The following FBXW10B variants were observed in gnomAD, a reference collection of about 807,000 sequenced individuals.
FBXW10B encodes F-box and WD repeat domain containing 10B, also known as F-box and WD repeat domain containing protein 10B.
At chr17:15,567,209 T>C in the FBXW10B span, among the ~76,000 whole-genome samples, 1 of 151,146 alleles carries the variant, frequency 6.6e-6, no homozygotes, top group African/African-American at 2.4e-5. Flanking sequence ...GAGGCAGAGG[T>C]TGCAGTGAGC....
At chr17:15,609,929 C>T in the FBXW10B span, among the ~76,000 whole-genome samples, 1 of 138,942 alleles carries the variant, frequency 7.2e-6, no homozygotes, top group South Asian at 2.3e-4. Context: ...GGCGTGATCT[C>T]GGCTCACTAC....
At chr17:15,569,463 T>TTA in the FBXW10B span, among the ~76,000 whole-genome samples, 4 of 131,200 alleles carry the variant, frequency 3.0e-5, no homozygotes, top group Non-Finnish European at 4.9e-5. Flanking sequence ...TTCTTTTTTT[T>TTA]TTTTTTTTTT....
the FBXW10B span, chr17:15,571,713 A>C: frequency 6.6e-6 from 1 of 152,372 alleles, no homozygotes. Flanking sequence ...TATTAGCTTA[A>C]ATATCACTAA....
the FBXW10B span, chr17:15,619,467 A>G: frequency 6.2e-7 from 1 of 1,613,776 alleles, no homozygotes; most frequent in Non-Finnish European, 8.5e-7. Context: ...CCCTTCTCAC[A>G]ACGAAAATAG....
At chr17:15,611,264 C>T in the FBXW10B span, among the ~76,000 whole-genome samples, 9 of 152,238 alleles carry the variant, frequency 5.9e-5, no homozygotes, top group South Asian at 2.1e-4. Flanking sequence ...CCTCGTGATC[C>T]GCCCGCCTCG....
chr17:15,572,518 T>G, the FBXW10B span: 1 of 152,254 alleles, frequency 6.6e-6, no homozygotes, highest in African/African-American at 2.4e-5. Flanking sequence ...ACCTGATCCC[T>G]GCCTTCATTC....
the FBXW10B span, chr17:15,566,252 G>A: frequency 4.3e-6 from 7 of 1,610,404 alleles, no homozygotes; most frequent in Non-Finnish European, 5.1e-6. Context: ...AGGAGGAATT[G>A]GTCAGGTGAC....
chr17:15,590,485 T>C, the FBXW10B span, among the ~76,000 whole-genome samples: 1 of 146,810 alleles, frequency 6.8e-6, no homozygotes, highest in African/African-American at 2.6e-5. Context: ...AGGGAGGGTT[T>C]AAAGCCTGGG....
the FBXW10B span, among the ~76,000 whole-genome samples, chr17:15,601,226 G>A: frequency 0.41 from 59,984 of 144,792 alleles, 15,702 homozygotes; most frequent in Non-Finnish European, 0.58. Flanking sequence ...TGGCTAACAC[G>A]GTGAAACCCC....
chr17:15,617,178 T>C, the FBXW10B span, among the ~76,000 whole-genome samples: 1 of 152,222 alleles, frequency 6.6e-6, no homozygotes, highest in Admixed American at 6.5e-5. Flanking sequence ...TTCTATATTA[T>C]CATTCTTCCA....
the FBXW10B span, among the ~76,000 whole-genome samples, chr17:15,575,003 T>G: frequency 2.1e-5 from 3 of 144,402 alleles, no homozygotes; most frequent in Non-Finnish European, 4.5e-5. Context: ...CTTGAACACC[T>G]TCCACTTAAC....
chr17:15,598,413 A>C, the FBXW10B span: 46 of 1,498,122 alleles, frequency 3.1e-5, 1 homozygote, highest in South Asian at 5.9e-4. Flanking sequence ...GGGTGGATGG[A>C]TGGATGGATG....
the FBXW10B span, among the ~76,000 whole-genome samples, chr17:15,579,026 A>C: frequency 1.3e-5 from 2 of 151,990 alleles, no homozygotes; most frequent in South Asian, 4.1e-4. Context: ...ATAATACCAC[A>C]GTCTCTGCAC....
At chr17:15,601,205 C>A in the FBXW10B span, among the ~76,000 whole-genome samples, 4 of 148,722 alleles carry the variant, frequency 2.7e-5, no homozygotes, top group African/African-American at 4.9e-5. Flanking sequence ...GTCAGGAGAT[C>A]GAGACCATCC....
the FBXW10B span, among the ~76,000 whole-genome samples, chr17:15,604,683 C>T: frequency 1.6e-4 from 25 of 152,128 alleles, 1 homozygote; most frequent in Middle Eastern, 3.4e-3. Flanking sequence ...TACAGGTGCC[C>T]GCCACCACGC....
the FBXW10B span, among the ~76,000 whole-genome samples, chr17:15,609,576 C>T: frequency 1.3e-5 from 2 of 150,970 alleles, no homozygotes; most frequent in Non-Finnish European, 2.9e-5. Context: ...GAGACCTCGG[C>T]CACTTTCTCA....
the FBXW10B span, among the ~76,000 whole-genome samples, chr17:15,615,415 G>T: frequency 1.4e-5 from 2 of 141,244 alleles, no homozygotes; most frequent in Non-Finnish European, 3.0e-5. Context: ...TCTGCCTCCC[G>T]GCTTCACGCC....
At chr17:15,619,446 T>A in the FBXW10B span, 58 of 1,613,992 alleles carry the variant, frequency 3.6e-5, no homozygotes, top group Non-Finnish European at 4.4e-5. Flanking sequence ...CATAGAGGGA[T>A]GGAATCGGTT....
chr17:15,585,943 C>CTTTT, the FBXW10B span, among the ~76,000 whole-genome samples: 68 of 137,172 alleles, frequency 5.0e-4, 2 homozygotes, highest in African/African-American at 1.7e-3. Flanking sequence ...TCATTTTCTT[C>CTTTT]TTTTTTTTTT....
Sources: allele counts gnomAD v4.1 joint callset (sites outside exome capture counted in the v4.1 genomes callset), GRCh38; gene constraint gnomAD v4.1.1; transcripts MANE v1.5; gene names NCBI Gene and HGNC (gene_info 2026-07-23, HGNC 2026-07-21).